PNPT1: variants seen among roughly 807,000 people sequenced by gnomAD.
The protein encoded by PNPT1 is polyribonucleotide nucleotidyltransferase 1, mitochondrial.
A neutral mutation model predicts 119.5 loss-of-function variants in PNPT1; 53 were observed. The ratio of observed to expected loss-of-function variants is 0.44; its 90% confidence interval spans 0.36 to 0.56. PNPT1 has a LOEUF of 0.56. Ranked by LOEUF, PNPT1 falls within the 20% of genes least tolerant of loss-of-function variation. The pLI is 0.00. For missense variants in PNPT1, 948 were observed against 938.5 expected, an observed-to-expected ratio of 1.01 and a Z score of -0.13; for synonymous variants, 357 against 322.1, an observed-to-expected ratio of 1.11 and a Z score of -1.16.
Position 55,672,055 on chromosome 2 carries a change from G to T in PNPT1, c.867-9C>A. 2 of 1,578,594 alleles carry T rather than the reference G, an allele frequency of 1.3e-6. No homozygotes were observed. Among genetic ancestry groups the T allele is most frequent in the Non-Finnish European group, 1.7e-6 (2 of 1,161,442 alleles). Reference sequence around the variant, plus strand: ...GTCTCTCCATAGCAAGTCTATTTAAGCAGAAAATAAATGTTAGCATAATAA... The same window carrying T: ...GTCTCTCCATAGCAAGTCTATTTAATCAGAAAATAAATGTTAGCATAATAA... On this transcript the variant is annotated splice_polypyrimidine_tract_variant and intron_variant, in intron 9 of 27. Coordinates refer to ENST00000447944, the MANE Select transcript of PNPT1 (RefSeq NM_033109.5).
Position 55,661,983 on chromosome 2 carries a change from T to G in PNPT1, c.1220A>C (p.Lys407Thr), listed in dbSNP as rs1037446559. The G allele has an allele frequency of 5.7e-6, 9 of 1,575,812 alleles. No individual in the cohort carries two copies. The African/African-American group carries it at 1.1e-4, about 19-fold the overall frequency. The change falls in exon 14 of 28, where the codon AAG (lysine) becomes ACG (threonine). Residue 407 changes from lysine to threonine, a missense_variant. Coordinates refer to ENST00000447944, the MANE Select transcript of PNPT1 (RefSeq NM_033109.5). ...TATAGCTGTTATAACTTGATCTGAC[T>G]TAATACCAGATTCTAATGAATCAAA... Reference protein sequence around the residue: ...VTFDSLESGIKSDQVITAING... With the variant: ...VTFDSLESGITSDQVITAING...
At chr2:55,641,757 T>C (rs1468502533) in intron 25 of PNPT1, among the ~76,000 whole-genome samples, 1 of 152,184 alleles carries the variant, frequency 6.6e-6, no homozygotes, top group Non-Finnish European at 1.5e-5. Flanking sequence ...CATTTGATAA[T>C]TTCCTTTTTC....
At chr2:55,687,568 C>G in intron 2 of PNPT1, 77 bp downstream of exon 2, 1 of 1,025,648 alleles carries the variant, frequency 9.7e-7, no homozygotes, top group South Asian at 1.7e-5. Flanking sequence ...AGTAGTTACA[C>G]GATGTTGTAG....
intron 5 of PNPT1, 121 bp from the exon 6 acceptor site, chr2:55,681,039 GGCTGTCATTAAACGAAAT>G: frequency 1.3e-6 from 1 of 758,006 alleles, no homozygotes; most frequent in African/African-American, 1.8e-5. Flanking sequence ...TCTTAATTTT[GGCTGTCATTAAACGAAAT>G]GCTTGACATT....
intron 26 of PNPT1, among the ~76,000 whole-genome samples, chr2:55,639,896 C>T (rs1695786742): frequency 6.6e-6 from 1 of 152,106 alleles, no homozygotes; most frequent in Non-Finnish European, 1.5e-5. Flanking sequence ...TTAAAAAGCA[C>T]ATTTAGCTCT....
intron 8 of PNPT1, among the ~76,000 whole-genome samples, chr2:55,679,033 G>T (rs1018389100): frequency 3.9e-5 from 6 of 152,168 alleles, no homozygotes; most frequent in African/African-American, 1.4e-4. Context: ...ATCTGTCCAA[G>T]ATCACATGAT....
intron 2 of PNPT1, among the ~76,000 whole-genome samples, chr2:55,687,213 CAAA>C (rs777676691): frequency 1.1e-5 from 1 of 93,972 alleles, no homozygotes; most frequent in Non-Finnish European, 2.0e-5. Context: ...GACTCCATCT[CAAA>C]AAAAAAAAAA....
At chr2:55,678,816 T>C (rs563661234) in intron 8 of PNPT1, among the ~76,000 whole-genome samples, 2 of 152,230 alleles carry the variant, frequency 1.3e-5, no homozygotes, top group East Asian at 1.9e-4. Flanking sequence ...TTCTAACTTA[T>C]AGAACCTAAT....
At chr2:55,687,817 A>C (rs1293702784) in intron 1 of PNPT1, 112 bp from the exon 2 acceptor site, 2 of 671,366 alleles carry the variant, frequency 3.0e-6, no homozygotes, top group African/African-American at 3.7e-5. Flanking sequence ...CAACCCACCC[A>C]CTCCACCAAC....
intron 11 of PNPT1, among the ~76,000 whole-genome samples, chr2:55,669,958 C>T (rs1314219815): frequency 6.6e-6 from 1 of 151,830 alleles, no homozygotes; most frequent in African/African-American, 2.4e-5. Flanking sequence ...GGGGTTTCAC[C>T]ATATTGGCCA....
chr2:55,647,269 T>C, intron 19 of PNPT1, 78 bp downstream of exon 19: 3 of 1,185,672 alleles, frequency 2.5e-6, no homozygotes, highest in Non-Finnish European at 3.6e-6. Context: ...TTCACCATTA[T>C]TTGTTTTTAT....
At chr2:55,670,834 C>T (rs1696888507) in intron 11 of PNPT1, among the ~76,000 whole-genome samples, 1 of 152,094 alleles carries the variant, frequency 6.6e-6, no homozygotes, top group African/African-American at 2.4e-5. Flanking sequence ...ACCTACTCTG[C>T]ATCAAATGTA....
At chr2:55,688,849 C>G (rs1697503759) in intron 1 of PNPT1, among the ~76,000 whole-genome samples, 2 of 152,042 alleles carry the variant, frequency 1.3e-5, no homozygotes, top group East Asian at 3.9e-4. Context: ...TCATGTTCAA[C>G]AGAAGGGGAA....
chr2:55,646,473 T>A lies in PNPT1; in HGVS notation c.1616A>T (p.Tyr539Phe). The A allele has an allele frequency of 1.2e-6, 2 of 1,611,412 alleles. No individual in the cohort carries two copies. The highest frequency in any genetic ancestry group is 1.7e-6 in the Non-Finnish European group (2 of 1,178,910). ...LLTDILGIEDYNGDMDFKIAG... is the reference protein window; with the variant it reads ...LLTDILGIEDFNGDMDFKIAG... ...TATTTTGAAGTCCATGTCACCATTG[T>A]AATCTTCAATTCCCTTCAGGAATTT... The change falls in exon 20 of 28, where the codon TAC becomes TTC. Residue 539 changes from tyrosine (Y) to phenylalanine (F), a missense_variant. Transcript: ENST00000447944.
chr2:55,644,509 C>T (rs568802082), intron 23 of PNPT1, 128 bp downstream of exon 23: 3 of 599,872 alleles, frequency 5.0e-6, no homozygotes, highest in Non-Finnish European at 8.1e-6. Context: ...ACGTCATATC[C>T]TTTTCTCCTG....
In PNPT1 at chr2:55,679,562, A is replaced by C. The variant is rs1697181743; in HGVS notation, c.679+120T>G. 3 of 669,394 alleles carry C rather than the reference A, an allele frequency of 4.5e-6. No individual in the cohort carries two copies. The South Asian group carries it at 5.6e-5, about 13-fold the overall frequency. The allele number at this position is 669,394 out of a possible 1,614,324, so 41.5% of individuals were successfully genotyped here. On this transcript the variant is annotated intron_variant, in intron 8 of 27. Transcript: ENST00000447944. ...AGAGCACAAAAATAGGACAGAGATA[A>C]AACATGACAAAAATTTTTATGGCTA... is the stretch of plus-strand genomic sequence containing the variant.
At chr2:55,690,865 A>C (rs1458125156) in intron 1 of PNPT1, among the ~76,000 whole-genome samples, 1 of 152,234 alleles carries the variant, frequency 6.6e-6, no homozygotes, top group Non-Finnish European at 1.5e-5. Context: ...GATGGAAGGA[A>C]TGAGATACTC....
intron 1 of PNPT1, among the ~76,000 whole-genome samples, chr2:55,690,918 T>A (rs1050323916): frequency 1.3e-5 from 2 of 152,224 alleles, no homozygotes; most frequent in Admixed American, 1.3e-4. Context: ...TGCAACAACC[T>A]ATAGCTGAAA....
intron 13 of PNPT1, among the ~76,000 whole-genome samples, chr2:55,665,594 A>C (rs553458314): frequency 1.3e-5 from 2 of 152,368 alleles, no homozygotes; most frequent in East Asian, 3.9e-4. Flanking sequence ...GAAAATTCAT[A>C]AAAGGGCAAA....
Sources: allele counts gnomAD v4.1 joint callset (sites outside exome capture counted in the v4.1 genomes callset), GRCh38; gene constraint gnomAD v4.1.1; transcripts MANE v1.5; gene names NCBI Gene and HGNC (gene_info 2026-07-23, HGNC 2026-07-21).